Variants in FOCAD observed in about 807,000 individuals in gnomAD.
FOCAD encodes the protein focadhesin.
Under a neutral mutation model 225.6 loss-of-function variants are expected in FOCAD, and 198 were observed. The ratio of observed to expected loss-of-function variants is 0.88; its 90% CI spans 0.78 to 0.99. FOCAD has a LOEUF of 0.99. Ranked by LOEUF, FOCAD falls within the 50% of genes least tolerant of loss-of-function variation. The probability of loss-of-function intolerance (pLI) is 0.00; values close to 1 mark genes in which losing one functional copy is unlikely to be tolerated. For missense variants in FOCAD, 2,713 were observed against 2,123.6 expected, an observed-to-expected ratio of 1.28 and a Z score of -5.46; for synonymous variants, 897 against 755.0, an observed-to-expected ratio of 1.19 and a Z score of -3.08.
chr9:20,730,526 A>G (rs980012918), intron 4 of FOCAD, among the ~76,000 whole-genome samples: 1 of 152,126 alleles, frequency 6.6e-6, no homozygotes, highest in African/African-American at 2.4e-5. Flanking sequence ...CTTCTCCTCT[A>G]TTTTTAAGGC....
Position 20,698,227 on chromosome 9 carries a change from C to T in FOCAD, c.-33+13934C>T, listed in dbSNP as rs147143190. Reference sequence around the variant, plus strand: ...AGAACAAAATTAAAAGTAGCAAAGGCGGAATACAGTAGGTTACATAATCAT... The same window carrying T: ...AGAACAAAATTAAAAGTAGCAAAGGTGGAATACAGTAGGTTACATAATCAT... On this transcript the variant is annotated intron_variant, in intron 1 of 43. Coordinates refer to ENST00000338382, the MANE Select transcript of FOCAD (RefSeq NM_001375567.1). Among the ~76,000 whole-genome samples, 15 of 151,914 alleles carry T rather than the reference C, an allele frequency of 9.9e-5. No individual in the cohort carries two copies. In the East Asian group the frequency reaches 1.9e-3, roughly 20 times the overall value.
At chr9:20,869,865 T>C (rs1008039768) in intron 18 of FOCAD, among the ~76,000 whole-genome samples, 2 of 152,196 alleles carry the variant, frequency 1.3e-5, no homozygotes, top group Admixed American at 6.6e-5. Context: ...GATCTAAAAT[T>C]GGTTCCAAAA....
chr9:20,979,578 A>G (rs1453680718), intron 37 of FOCAD, among the ~76,000 whole-genome samples: 3 of 152,142 alleles, frequency 2.0e-5, no homozygotes, highest in African/African-American at 4.8e-5. Flanking sequence ...ACCTCAAGTG[A>G]TCTGCCCACC....
rs529491106 is a variant in FOCAD, at chr9:20,794,550, CCTGAG to C, written c.1455+4947_1455+4951del. ...TTAAAACACACCAGAAAACTCTTTC[CCTGAG>C]CTGAAAGAGAACACAAGGCTACAGA... On this transcript the variant is annotated intron_variant, in intron 11 of 43. Coordinates refer to ENST00000338382, the MANE Select transcript of FOCAD (RefSeq NM_001375567.1). Among the ~76,000 whole-genome samples the C allele has an allele frequency of 8.5e-5, 13 of 152,180 alleles. No individual in the cohort carries two copies. The South Asian group carries it at 2.5e-3, about 29-fold the overall frequency.
intron 20 of FOCAD, among the ~76,000 whole-genome samples, chr9:20,883,907 G>C (rs1830886998): frequency 6.6e-6 from 1 of 152,064 alleles, no homozygotes; most frequent in Admixed American, 6.6e-5. Flanking sequence ...AAATAATAAA[G>C]ATAATAAAAC....
rs748734488 is a variant in FOCAD, at chr9:20,907,248, G to C, written c.2718+6G>C. On this transcript the variant is annotated splice_donor_region_variant and intron_variant, in intron 22 of 43. Coordinates refer to ENST00000338382, the MANE Select transcript of FOCAD (RefSeq NM_001375567.1). ...CTTATCATGCCATTTTACAGGTAAT[G>C]AAACCACAGGATAGGTTTGCTTTGG... 1 of 1,610,086 alleles carries C rather than the reference G, an allele frequency of 6.2e-7. No homozygotes were observed. Among genetic ancestry groups the C allele is most frequent in the South Asian group, 1.1e-5 (1 of 90,974 alleles).
At chr9:20,720,864 A>G (rs960340214) in intron 4 of FOCAD, among the ~76,000 whole-genome samples, 5 of 152,186 alleles carry the variant, frequency 3.3e-5, no homozygotes, top group South Asian at 2.1e-4. Flanking sequence ...TCCATAAGCA[A>G]TGCTTCTTCC....
chr9:20,966,983 GAT>G (rs1839321713), intron 35 of FOCAD, among the ~76,000 whole-genome samples: 1 of 151,686 alleles, frequency 6.6e-6, no homozygotes, highest in African/African-American at 2.4e-5. Flanking sequence ...CTTTTTTCAA[GAT>G]ATTTTTTTTT....
At chr9:20,797,416 CA>C (rs1821242279) in intron 11 of FOCAD, among the ~76,000 whole-genome samples, 1 of 152,224 alleles carries the variant, frequency 6.6e-6, no homozygotes, top group East Asian at 1.9e-4. Flanking sequence ...GCAGTATGGC[CA>C]TTTTCACGAT....
In FOCAD at chr9:20,762,156, C is replaced by T. The variant is rs115789812; in HGVS notation, c.495-2713C>T. Among the ~76,000 whole-genome samples, 612 of 152,228 alleles carry T rather than the reference C, an allele frequency of 4.0e-3. 8 individuals are homozygous for T. Among genetic ancestry groups the T allele is most frequent in the African/African-American group, 0.014 (579 of 41,510 alleles). Reference sequence around the variant, plus strand: ...GCCATCCATGGATGCTGTTGACACCCGGATAGTATTTATTCTTTGGGGAAT... The same window carrying T: ...GCCATCCATGGATGCTGTTGACACCTGGATAGTATTTATTCTTTGGGGAAT... On this transcript the variant is annotated intron_variant, in intron 6 of 43. Coordinates refer to ENST00000338382, the MANE Select transcript of FOCAD (RefSeq NM_001375567.1).
chr9:20,783,726 T>TA (rs958642139), intron 10 of FOCAD, among the ~76,000 whole-genome samples: 7 of 151,522 alleles, frequency 4.6e-5, no homozygotes, highest in South Asian at 2.1e-4. Flanking sequence ...TTAAAAAAAG[T>TA]AAAAAAAATT....
intron 43 of FOCAD, among the ~76,000 whole-genome samples, chr9:20,994,367 G>A (rs1217363508): frequency 6.6e-6 from 1 of 152,190 alleles, no homozygotes; most frequent in Admixed American, 6.5e-5. Context: ...TGTCCTTCAT[G>A]TCTGGTGATC....
intron 5 of FOCAD, among the ~76,000 whole-genome samples, chr9:20,742,262 G>A (rs934645733): frequency 1.3e-5 from 2 of 152,202 alleles, no homozygotes; most frequent in African/African-American, 4.8e-5. Flanking sequence ...TCCGCCATGA[G>A]GCCTAGTGGT....
intron 7 of FOCAD, among the ~76,000 whole-genome samples, chr9:20,767,272 C>T (rs1714007243): frequency 6.6e-6 from 1 of 150,710 alleles, no homozygotes; most frequent in African/African-American, 2.4e-5. Flanking sequence ...GTGAATAATG[C>T]CGCAATAAAC....
chr9:20,955,153 G>C (rs904066735), intron 35 of FOCAD, among the ~76,000 whole-genome samples: 12 of 152,156 alleles, frequency 7.9e-5, no homozygotes, highest in African/African-American at 2.9e-4. Flanking sequence ...ATAATGCTTA[G>C]CATAGGCAGA....
At chr9:20,753,344 A>G (rs1432516668) in intron 5 of FOCAD, among the ~76,000 whole-genome samples, 1 of 151,452 alleles carries the variant, frequency 6.6e-6, no homozygotes, top group African/African-American at 2.4e-5. Flanking sequence ...ATCAATACCT[A>G]ATTTATTGAG....
At chr9:20,869,272 T>G (rs968636495) in intron 18 of FOCAD, among the ~76,000 whole-genome samples, 2 of 152,124 alleles carry the variant, frequency 1.3e-5, no homozygotes, top group African/African-American at 4.8e-5. Flanking sequence ...GTGTCCATAT[T>G]CTCTCTTCTT....
chr9:20,991,808 G>C (rs1328018001), intron 42 of FOCAD, among the ~76,000 whole-genome samples: 3 of 62,450 alleles, frequency 4.8e-5, no homozygotes, highest in Non-Finnish European at 5.9e-5. Flanking sequence ...TTGAGACTCT[G>C]TCTCAAAAAA....
At chr9:20,701,295 T>G (rs749736484) in intron 1 of FOCAD, among the ~76,000 whole-genome samples, 16 of 152,220 alleles carry the variant, frequency 1.1e-4, no homozygotes, top group Non-Finnish European at 2.1e-4. Context: ...TCCAATATTA[T>G]TTCAAGCCCT....
Sources: gnomAD v4.1 joint callset for allele counts (sites outside exome capture counted in the v4.1 genomes callset) on GRCh38, gnomAD v4.1.1 for gene constraint, MANE v1.5 for transcripts, NCBI Gene and HGNC (gene_info 2026-07-23, HGNC 2026-07-21) for gene names.